The following NHSL2 variants were observed in gnomAD, a reference collection of about 807,000 sequenced individuals.
NHSL2 encodes NHS-like protein 2.
In NHSL2, 27 loss-of-function variants were observed where a neutral mutation model predicts 53.4. The ratio of observed to expected loss-of-function variants is 0.51; its 90% confidence interval spans 0.37 to 0.70. The LOEUF (loss-of-function observed/expected upper bound fraction) is 0.70. NHSL2 is among the 30% of genes least tolerant of loss of function. NHSL2 has a pLI of 0.00. For missense variants in NHSL2, 892 were observed against 980.1 expected, an observed-to-expected ratio of 0.91 and a Z score of 1.20; for synonymous variants, 408 against 404.1, an observed-to-expected ratio of 1.01 and a Z score of -0.12.
Position 71,929,522 on chromosome X carries a change from G to A in NHSL2, c.280+18155G>A, listed in dbSNP as rs747143827. Among the ~76,000 whole-genome samples the A allele has an allele frequency of 1.6e-4, 18 of 112,282 alleles. No individual in the cohort carries two copies. The South Asian group carries it at 5.2e-3, about 33-fold the overall frequency. ...CACGGGCCTCCTGAACTCTCTTCAT[G>A]TAACACCTGGTTAAGAACTTAATTT... On this transcript the variant is annotated intron_variant, in intron 1 of 7. Transcript: ENST00000633930.
intron 1 of NHSL2, among the ~76,000 whole-genome samples, chrX:72,035,744 A>G (rs1409975282): frequency 9.0e-6 from 1 of 111,724 alleles, no homozygotes; most frequent in Non-Finnish European, 1.9e-5. Context: ...GTATTTACCC[A>G]TATTTTTGCT....
intron 1 of NHSL2, among the ~76,000 whole-genome samples, chrX:71,990,791 A>G (rs2042023893): frequency 8.9e-6 from 1 of 112,172 alleles, no homozygotes; most frequent in African/African-American, 3.2e-5. Flanking sequence ...CTTCCAGCAT[A>G]AAATCCAAAT....
Position 72,044,562 on chromosome X carries a change from G to T in NHSL2, c.281-87517G>T, listed in dbSNP as rs2042294110. The T allele has an allele frequency of 4.6e-6, 4 of 875,703 alleles. No homozygotes were observed. In the South Asian group the frequency reaches 8.0e-5, roughly 18 times the overall value. 72.2% of individuals were successfully genotyped at this position (875,703 alleles called of 1,213,427 possible). A position where few individuals can be genotyped will look rare whatever the true frequency, so the allele number is the denominator to read the frequency against. ...CCTCCAAGATGACAAAGAAAAGAAG[G>T]AACAACAGTCATGCCAAAAAGGGCC... On this transcript the variant is annotated intron_variant, in intron 1 of 7. Coordinates refer to ENST00000633930, the MANE Select transcript of NHSL2 (RefSeq NM_001013627.3).
rs138072001 is a variant in NHSL2 at position 72,054,395 on chromosome X, C to T, written c.281-77684C>T. On this transcript the variant is annotated intron_variant, in intron 1 of 7. Transcript: ENST00000633930. ...ACTTTAGCTGTTGTCTGAGCTGATC[C>T]GCATTCTGTCGTTCTTAATAGCTTC... is the stretch of plus-strand genomic sequence containing the variant. Among the ~76,000 whole-genome samples the T allele has an allele frequency of 8.1e-5, 9 of 111,619 alleles. No homozygotes were observed. The East Asian group carries it at 2.6e-3, about 32-fold the overall frequency.
chrX:71,971,708 A>G (rs1447551389), intron 1 of NHSL2, among the ~76,000 whole-genome samples: 1 of 112,091 alleles, frequency 8.9e-6, no homozygotes, highest in Non-Finnish European at 1.9e-5. Flanking sequence ...TTCTTATATC[A>G]TTACCTACAT....
chrX:72,118,365 T>C (rs1381816794), intron 1 of NHSL2, among the ~76,000 whole-genome samples: 1 of 112,428 alleles, frequency 8.9e-6, no homozygotes, highest in Admixed American at 9.4e-5. Context: ...TATTTTTATA[T>C]GTTCGGACAC....
At chrX:71,924,875 G>A (rs1375326439) in intron 1 of NHSL2, among the ~76,000 whole-genome samples, 1 of 112,049 alleles carries the variant, frequency 8.9e-6, no homozygotes, top group Non-Finnish European at 1.9e-5. Context: ...TTGTCAGGAG[G>A]ATCAAATGAA....
chrX:72,065,493 TAA>T (rs2042423325), intron 1 of NHSL2, among the ~76,000 whole-genome samples: 1 of 111,688 alleles, frequency 9.0e-6, no homozygotes, highest in Non-Finnish European at 1.9e-5. Context: ...GGGATGTGTG[TAA>T]AGAGGGCTTT....
intron 1 of NHSL2, chrX:72,129,057 T>C (rs971524789): frequency 2.7e-5 from 3 of 112,647 alleles, no homozygotes; most frequent in African/African-American, 9.7e-5. Flanking sequence ...AGGAGGGCAA[T>C]GTGGTGAGAG....
rs2042461115 is a variant in NHSL2, at chrX:72,145,972, C to T, written c.*2398C>T. 1 of 112,704 alleles carries T rather than the reference C, an allele frequency of 8.9e-6. No homozygotes were observed. The highest frequency in any genetic ancestry group is 1.9e-5 in the Non-Finnish European group (1 of 53,347). The allele number at this position is 112,704 out of a possible 1,213,427, so 9.3% of individuals were successfully genotyped here. On this transcript the variant is annotated 3_prime_UTR_variant, in exon 8 of 8. Coordinates refer to ENST00000633930, the MANE Select transcript of NHSL2 (RefSeq NM_001013627.3). Reference sequence around the variant, plus strand: ...ATATCTTCTACATCATCACTGTGGCCCACGCAGTGGTGTTCCCATTAGCAC... The same window carrying T: ...ATATCTTCTACATCATCACTGTGGCTCACGCAGTGGTGTTCCCATTAGCAC...
intron 1 of NHSL2, chrX:72,130,110 C>G (rs201171574): frequency 9.9e-6 from 12 of 1,208,594 alleles, no homozygotes; most frequent in Non-Finnish European, 1.1e-5. Flanking sequence ...TCTGGGATGA[C>G]GCGTGAACAA....
At chrX:71,985,905 A>G (rs1286918006) in intron 1 of NHSL2, among the ~76,000 whole-genome samples, 1 of 112,282 alleles carries the variant, frequency 8.9e-6, no homozygotes, top group Non-Finnish European at 1.9e-5. Context: ...GAGGATCAAA[A>G]CAAGACAACA....
intron 1 of NHSL2, among the ~76,000 whole-genome samples, chrX:71,971,443 T>G (rs1280458029): frequency 8.9e-6 from 1 of 111,948 alleles, no homozygotes; most frequent in Non-Finnish European, 1.9e-5. Context: ...ATGGATATAT[T>G]TATAGAGTTT....
intron 1 of NHSL2, among the ~76,000 whole-genome samples, chrX:71,963,266 T>C (rs1466636159): frequency 9.0e-6 from 1 of 110,736 alleles, no homozygotes; most frequent in Admixed American, 9.7e-5. Flanking sequence ...GTAAATAATA[T>C]AGTAAAATAT....
chrX:72,067,278 C>T (rs1394823424), intron 1 of NHSL2, among the ~76,000 whole-genome samples: 1 of 111,800 alleles, frequency 8.9e-6, no homozygotes, highest in Non-Finnish European at 1.9e-5. Flanking sequence ...TCCCCACCAC[C>T]CCCATGCCTT....
At chrX:72,126,627 G>A (rs904612276) in intron 1 of NHSL2, among the ~76,000 whole-genome samples, 7 of 111,423 alleles carry the variant, frequency 6.3e-5, no homozygotes, top group Non-Finnish European at 1.3e-4. Context: ...CCCAGAATGG[G>A]ATTCAGTTTC....
At chrX:71,957,294 A>G (rs753881030) in intron 1 of NHSL2, among the ~76,000 whole-genome samples, 1 of 111,957 alleles carries the variant, frequency 8.9e-6, no homozygotes, top group African/African-American at 3.3e-5. Context: ...CACAGTCATT[A>G]TGGTGTGAGC....
rs1025297567 is a variant in NHSL2 at position 72,137,346 on chromosome X, G to A, written c.892+121G>A. 2.2e-5 allele frequency: 15 copies of A among 685,298 alleles called. No homozygotes were observed. The African/African-American group carries it at 2.2e-4, about 10-fold the overall frequency. The allele number at this position is 685,298 out of a possible 1,213,427, so 56.5% of individuals were successfully genotyped here. On this transcript the variant is annotated intron_variant, in intron 5 of 7. Transcript: ENST00000633930. ...TAATTGGGTGGAGGAGGGGGCCTCC[G>A]GATGTCCTGAAAAAGCCAATATGGT...
chrX:72,011,681 A>C (rs934172196), intron 1 of NHSL2, among the ~76,000 whole-genome samples: 4 of 111,397 alleles, frequency 3.6e-5, no homozygotes, highest in Non-Finnish European at 7.5e-5. Context: ...AAAAAAAAAC[A>C]AAACTGGCAA....
Sources: allele counts gnomAD v4.1 joint callset (sites outside exome capture counted in the v4.1 genomes callset), GRCh38; gene constraint gnomAD v4.1.1; transcripts MANE v1.5; gene names NCBI Gene and HGNC (gene_info 2026-07-23, HGNC 2026-07-21).